The following SORCS1 variants were observed in gnomAD, a reference collection of about 807,000 sequenced individuals.
SORCS1 encodes sortilin related VPS10 domain containing receptor 1, also known as VPS10 domain-containing receptor SorCS1.
In SORCS1, 60 loss-of-function variants were observed where a neutral mutation model predicts 146.1. The observed-to-expected ratio is 0.41, with a 90% CI of 0.33 to 0.51. The LOEUF (loss-of-function observed/expected upper bound fraction) is 0.51, where lower values mean the gene tolerates loss of function less well. Among genes scored for constraint, SORCS1 ranks in the 20% least tolerant of loss-of-function variants. The probability of loss-of-function intolerance (pLI) is 0.21; values close to 1 mark genes in which losing one functional copy is unlikely to be tolerated. For missense variants in SORCS1, 1,352 were observed against 1,487.6 expected (o/e 0.91, Z 1.50); for synonymous variants, 637 against 584.0 (o/e 1.09, Z -1.31).
intron 2 of SORCS1, among the ~76,000 whole-genome samples, chr10:106,944,453 TCTC>T (rs1266001565): frequency 6.6e-6 from 1 of 152,160 alleles, no homozygotes; most frequent in Non-Finnish European, 1.5e-5. Context: ...TCAGGTCTCT[TCTC>T]CTCCAGAAAG....
intron 2 of SORCS1, among the ~76,000 whole-genome samples, chr10:106,871,750 G>C (rs12257740): frequency 0.056 from 8,545 of 152,260 alleles, 378 homozygotes; most frequent in East Asian, 0.17. Flanking sequence ...TGAAGGTGGA[G>C]TGGGGGATGA....
chr10:106,989,670 G>GTGT (rs1956666994), intron 1 of SORCS1, among the ~76,000 whole-genome samples: 3 of 116,450 alleles, frequency 2.6e-5, no homozygotes, highest in African/African-American at 1.4e-4. Flanking sequence ...TATTTTTTCT[G>GTGT]TTTTTTTTTG....
At chr10:106,841,058 G>A (rs1949015888) in intron 2 of SORCS1, among the ~76,000 whole-genome samples, 1 of 150,984 alleles carries the variant, frequency 6.6e-6, no homozygotes, top group Admixed American at 6.6e-5. Context: ...GTTTCACCAT[G>A]TTGGCCAAGA....
intron 1 of SORCS1, among the ~76,000 whole-genome samples, chr10:107,131,868 A>G (rs972560798): frequency 6.6e-6 from 1 of 152,222 alleles, no homozygotes; most frequent in African/African-American, 2.4e-5. Context: ...CCGAGGCACA[A>G]TGATAGGTGG....
intron 24 of SORCS1, 51 bp downstream of exon 24, chr10:106,597,300 G>T: frequency 7.0e-7 from 1 of 1,437,908 alleles, no homozygotes; most frequent in Non-Finnish European, 9.8e-7. Flanking sequence ...CACGGACTAG[G>T]ATTCCCTTTG....
intron 3 of SORCS1, among the ~76,000 whole-genome samples, chr10:106,823,967 G>A (rs1948173228): frequency 6.6e-6 from 1 of 152,162 alleles, no homozygotes; most frequent in African/African-American, 2.4e-5. Flanking sequence ...CCTAAGAGAA[G>A]GTGGCAGATC....
intron 18 of SORCS1, among the ~76,000 whole-genome samples, chr10:106,646,526 T>G (rs754271087): frequency 3.2e-4 from 48 of 151,610 alleles, no homozygotes; most frequent in Non-Finnish European, 6.3e-4. Flanking sequence ...TGAGACCCCG[T>G]CTCTACTAAA....
intron 9 of SORCS1, among the ~76,000 whole-genome samples, chr10:106,693,595 T>C (rs910764016): frequency 6.6e-6 from 1 of 152,250 alleles, no homozygotes; most frequent in African/African-American, 2.4e-5. Flanking sequence ...ATATAATATG[T>C]AGAAGATCTC....
intron 2 of SORCS1, among the ~76,000 whole-genome samples, chr10:106,881,907 A>G (rs1236068718): frequency 2.0e-5 from 3 of 152,246 alleles, no homozygotes; most frequent in Non-Finnish European, 4.4e-5. Context: ...CTGTGGGCAC[A>G]GAAATGAATA....
chr10:106,733,263 T>C (rs761782932), intron 5 of SORCS1, among the ~76,000 whole-genome samples: 1 of 152,170 alleles, frequency 6.6e-6, no homozygotes, highest in Non-Finnish European at 1.5e-5. Context: ...CAATTACAAC[T>C]ACAAAACAAA....
rs538188049 is a variant in SORCS1 at position 107,074,902 on chromosome 10, T to C, written c.558+89067A>G. ...TTGAGTTTTAAGAGTTCTTTGTAAA[T>C]GTTTTTTAAATAAAGTATATTCTCT... is the stretch of plus-strand genomic sequence containing the variant. On this transcript the variant is annotated intron_variant, in intron 1 of 25. Transcript: ENST00000263054. 7.2e-5 allele frequency among the ~76,000 whole-genome samples: 11 copies of C among 152,316 alleles called. No individual in the cohort carries two copies. In the South Asian group the frequency reaches 2.3e-3, roughly 32 times the overall value.
chr10:106,806,396 A>AAAT (rs2136708271), intron 3 of SORCS1, among the ~76,000 whole-genome samples: 1 of 140,742 alleles, frequency 7.1e-6, no homozygotes, highest in Admixed American at 6.9e-5. Context: ...AAATAAAATA[A>AAAT]AATAAAATAA....
intron 4 of SORCS1, among the ~76,000 whole-genome samples, chr10:106,770,680 A>G (rs1859956134): frequency 6.6e-6 from 1 of 152,210 alleles, no homozygotes; most frequent in African/African-American, 2.4e-5. Context: ...CACATTGAAA[A>G]CAAAGCAGAA....
intron 5 of SORCS1, among the ~76,000 whole-genome samples, chr10:106,733,510 T>C (rs1856754929): frequency 6.6e-6 from 1 of 152,224 alleles, no homozygotes; most frequent in African/African-American, 2.4e-5. Flanking sequence ...GAAAAGCATA[T>C]CATTGCAGTT....
chr10:106,937,988 AAAG>A (rs951568975), intron 2 of SORCS1, among the ~76,000 whole-genome samples: 2 of 151,230 alleles, frequency 1.3e-5, no homozygotes, highest in South Asian at 2.1e-4. Flanking sequence ...AAAAAAAAAA[AAAG>A]AAAGAAAGGA....
chr10:106,802,771 T>C (rs1946973257), intron 3 of SORCS1, among the ~76,000 whole-genome samples: 1 of 151,652 alleles, frequency 6.6e-6, no homozygotes. Context: ...AGTGCTGGAA[T>C]TACAGGCGTG....
chr10:106,760,960 A>G (rs987946786), intron 5 of SORCS1, among the ~76,000 whole-genome samples: 1 of 152,078 alleles, frequency 6.6e-6, no homozygotes, highest in Non-Finnish European at 1.5e-5. Flanking sequence ...TCCAAAAAGT[A>G]GCCAGGCATG....
chr10:107,018,055 C>T (rs975378491), intron 1 of SORCS1, among the ~76,000 whole-genome samples: 1 of 152,146 alleles, frequency 6.6e-6, no homozygotes, highest in Non-Finnish European at 1.5e-5. Flanking sequence ...AATGAATGTC[C>T]TTATCTCTAA....
At chr10:106,863,263 C>T (rs1950091876) in intron 2 of SORCS1, among the ~76,000 whole-genome samples, 1 of 152,004 alleles carries the variant, frequency 6.6e-6, no homozygotes, top group African/African-American at 2.4e-5. Flanking sequence ...GTGACTCACA[C>T]CTATAATCCC....
Sources: allele counts gnomAD v4.1 joint callset (sites outside exome capture counted in the v4.1 genomes callset), GRCh38; gene constraint gnomAD v4.1.1; transcripts MANE v1.5; gene names NCBI Gene and HGNC (gene_info 2026-07-23, HGNC 2026-07-21).